XRN1: variants seen among roughly 807,000 people sequenced by gnomAD.
The protein encoded by XRN1 is strand-exchange protein 1 homolog.
In XRN1, 67 loss-of-function variants were observed where a neutral mutation model predicts 222.3. The ratio of observed to expected loss-of-function variants is 0.30; its 90% CI spans 0.25 to 0.37. XRN1 has a LOEUF of 0.37. XRN1 is among the 10% of genes least tolerant of loss of function. The pLI is 1.00. For missense variants in XRN1, 1,707 were observed against 2,000.2 expected (o/e 0.85, Z 2.80); for synonymous variants, 643 against 652.4 (o/e 0.99, Z 0.22).
chr3:142,392,264 C>T (rs2067754002), intron 20 of XRN1, among the ~76,000 whole-genome samples: 1 of 152,020 alleles, frequency 6.6e-6, no homozygotes, highest in African/African-American at 2.4e-5. Context: ...ACCACTGTAA[C>T]TCATTTTCAT....
intron 33 of XRN1, among the ~76,000 whole-genome samples, chr3:142,345,088 C>T (rs185026372): frequency 1.4e-3 from 209 of 152,248 alleles, no homozygotes; most frequent in Non-Finnish European, 1.6e-3. Flanking sequence ...GAAATGAACC[C>T]ATACATCTAC....
chr3:142,349,592 A>G (rs375862848), intron 32 of XRN1, among the ~76,000 whole-genome samples: 6 of 152,140 alleles, frequency 3.9e-5, no homozygotes, highest in African/African-American at 1.2e-4. Flanking sequence ...GGTAAGCCAT[A>G]TGTTTAATTA....
intron 10 of XRN1, among the ~76,000 whole-genome samples, chr3:142,420,004 T>C (rs1237281261): frequency 6.6e-6 from 1 of 152,214 alleles, no homozygotes; most frequent in Non-Finnish European, 1.5e-5. Flanking sequence ...GATATTGTGC[T>C]ATTAGGCTGG....
chr3:142,333,288 T>A (rs1445396491), intron 34 of XRN1, among the ~76,000 whole-genome samples, 199 bp from the exon 35 acceptor site: 1 of 152,188 alleles, frequency 6.6e-6, no homozygotes, highest in Non-Finnish European at 1.5e-5. Context: ...ACCTTTTGGG[T>A]TTCTGAGACT....
Position 142,376,550 on chromosome 3 carries a change from G to A in XRN1, c.2760C>T (p.Arg920=). ...KYNPGYVLAS[R]LGVSGYLVSR... is the part of the protein sequence containing the mutation. ...AAACAAGGTATCCACTCACTCCAAG[G>A]CGACTGGCCAACACATATCCTGGGT... The change falls in exon 24 of 41, where the codon CGC becomes CGT. Residue 920 remains arginine, a synonymous_variant. Transcript: ENST00000392981. 1 of 1,613,048 alleles carries A rather than the reference G, an allele frequency of 6.2e-7. No individual in the cohort carries two copies.
At chr3:142,387,159 T>G (rs2067534891) in intron 20 of XRN1, among the ~76,000 whole-genome samples, 2 of 152,326 alleles carry the variant, frequency 1.3e-5, no homozygotes, top group South Asian at 4.1e-4. Context: ...TATGATTACA[T>G]GTAACAATAT....
At chr3:142,343,361 G>A (rs1284079280) in intron 33 of XRN1, among the ~76,000 whole-genome samples, 1 of 151,982 alleles carries the variant, frequency 6.6e-6, no homozygotes, top group African/African-American at 2.4e-5. Flanking sequence ...GGCTGAGGCA[G>A]GAGAATCGCT....
intron 20 of XRN1, among the ~76,000 whole-genome samples, chr3:142,388,879 C>A (rs1334530364): frequency 6.6e-6 from 1 of 152,154 alleles, no homozygotes; most frequent in East Asian, 1.9e-4. Context: ...GAGTAGATTC[C>A]ATCTCAAGAA....
At chr3:142,316,163 A>G (rs2065205833) in intron 39 of XRN1, among the ~76,000 whole-genome samples, 1 of 145,952 alleles carries the variant, frequency 6.9e-6, no homozygotes, top group Non-Finnish European at 1.5e-5. Flanking sequence ...GAGATCCATT[A>G]TGTATTTTCT....
intron 20 of XRN1, 146 bp from the exon 21 acceptor site, chr3:142,384,831 T>G: frequency 5.6e-4 from 285 of 510,696 alleles, no homozygotes; most frequent in Non-Finnish European, 7.4e-4. Flanking sequence ...TCCAGGTACC[T>G]AACTTGAGAC....
rs778665849 is a variant in XRN1, at chr3:142,397,443, G to A, written c.2225C>T (p.Pro742Leu). ...TGAATAAAGCTTCTGTGTTCCTGGA[G>A]GTTCTTCCAAGTAAAACCTTAAGAG... Reference protein sequence around the residue: ...DGETKFYLEEPPGTQKLYSGR... With the variant: ...DGETKFYLEELPGTQKLYSGR... The change falls in exon 20 of 41, where the codon CCT becomes CTT. Residue 742 changes from proline to leucine, a missense_variant. By Grantham distance (98) the Pro-to-Leu change is moderately conservative. Around this residue, in one of 2 missense-constraint regions of XRN1, gnomAD observed 1,234 missense variants for 1,518.2 expected, o/e 0.81. Coordinates refer to ENST00000392981, the MANE Select transcript of XRN1 (RefSeq NM_001282857.2). 1.2e-5 allele frequency: 19 copies of A among 1,601,166 alleles called. No individual in the cohort carries two copies. The highest frequency in any genetic ancestry group is 1.5e-5 in the Non-Finnish European group (18 of 1,173,856).
At chr3:142,353,273 C>T (rs1290942057) in intron 32 of XRN1, among the ~76,000 whole-genome samples, 1 of 152,094 alleles carries the variant, frequency 6.6e-6, no homozygotes. Context: ...TCTATACTCT[C>T]GACTCATTGG....
intron 34 of XRN1, among the ~76,000 whole-genome samples, chr3:142,333,450 T>C (rs1250278504): frequency 6.6e-6 from 1 of 152,232 alleles, no homozygotes; most frequent in African/African-American, 2.4e-5. Context: ...AAAAATTTTA[T>C]GTGCTATTTT....
intron 2 of XRN1, among the ~76,000 whole-genome samples, chr3:142,428,598 G>C (rs1300846659): frequency 6.6e-6 from 1 of 152,128 alleles, no homozygotes; most frequent in African/African-American, 2.4e-5. Context: ...GAAGTAGACA[G>C]ATGTGACAAA....
Position 142,311,487 on chromosome 3 carries a change from T to C in XRN1, c.*24A>G. Reference sequence around the variant, plus strand: ...AAAAGGTAGATGGAAAGAGAAGAAATTAACTTAATTCTAAGAGCCAAATTT... The same window carrying C: ...AAAAGGTAGATGGAAAGAGAAGAAACTAACTTAATTCTAAGAGCCAAATTT... On this transcript the variant is annotated 3_prime_UTR_variant, in exon 41 of 41. Transcript: ENST00000392981. The C allele has an allele frequency of 6.5e-7, 1 of 1,541,496 alleles. No individual in the cohort carries two copies. The highest frequency in any genetic ancestry group is 1.3e-5 in the South Asian group (1 of 79,312).
intron 33 of XRN1, among the ~76,000 whole-genome samples, chr3:142,342,319 C>A (rs1560306875): frequency 6.6e-6 from 1 of 152,006 alleles, no homozygotes; most frequent in Admixed American, 6.6e-5. Flanking sequence ...AAAGATATTC[C>A]AAGGTTCACA....
At chr3:142,404,843 C>A in intron 16 of XRN1, 64 bp downstream of exon 16, 1 of 1,518,958 alleles carries the variant, frequency 6.6e-7, no homozygotes, top group Non-Finnish European at 9.1e-7. Flanking sequence ...CCCCCTTCAC[C>A]ACTTCTCGCA....
intron 37 of XRN1, among the ~76,000 whole-genome samples, chr3:142,323,123 G>T (rs778019797): frequency 6.6e-6 from 1 of 152,124 alleles, no homozygotes; most frequent in Non-Finnish European, 1.5e-5. Flanking sequence ...TCTAGCGCAT[G>T]ATTATATTGA....
At chr3:142,379,135 G>A (rs911296938) in intron 23 of XRN1, among the ~76,000 whole-genome samples, 2 of 152,204 alleles carry the variant, frequency 1.3e-5, no homozygotes, top group Admixed American at 6.5e-5. Context: ...GCCGGGCATG[G>A]TGGTGGGTGC....
Sources: gnomAD v4.1 joint callset for allele counts (sites outside exome capture counted in the v4.1 genomes callset) on GRCh38, gnomAD v4.1.1 for gene constraint, gnomAD v4.1.1 regional missense constraint, MANE v1.5 for transcripts, NCBI Gene and HGNC (gene_info 2026-07-23, HGNC 2026-07-21) for gene names.